ABCC1: variants seen among roughly 807,000 people sequenced by gnomAD.
ABCC1 encodes the protein ATP binding cassette subfamily C member 1 (ABCC1 blood group), also known as multidrug resistance-associated protein 1.
ABCC1 carries 83 observed loss-of-function variants against 172.9 expected under a neutral mutation model. That is an observed-to-expected ratio of 0.48 (90% CI 0.40 to 0.58). ABCC1 has a LOEUF of 0.58. Ranked by LOEUF, ABCC1 falls within the 20% of genes least tolerant of loss-of-function variation. The pLI is 0.00. For synonymous variants in ABCC1, 937 were observed against 825.2 expected, an observed-to-expected ratio of 1.14 and a Z score of -2.32; for missense variants, 1,817 against 2,002.7, an observed-to-expected ratio of 0.91 and a Z score of 1.77.
intron 4 of ABCC1, among the ~76,000 whole-genome samples, chr16:16,015,131 C>T (rs1201680830): frequency 1.9e-4 from 24 of 124,522 alleles, no homozygotes; most frequent in African/African-American, 6.9e-4. Context: ...GGAGTGTGCA[C>T]TTTTTTTTTT....
intron 28 of ABCC1, among the ~76,000 whole-genome samples, chr16:16,135,781 C>G (rs1285990769): frequency 6.6e-6 from 1 of 152,046 alleles, no homozygotes. Flanking sequence ...TAGACCAATC[C>G]CCGCAGGTGG....
chr16:15,980,182 CA>C (rs2151580214), intron 1 of ABCC1, among the ~76,000 whole-genome samples: 1 of 152,208 alleles, frequency 6.6e-6, no homozygotes, highest in African/African-American at 2.4e-5. Context: ...CTCTCAGGCC[CA>C]GGGGCAAATA....
chr16:16,010,543 A>G (rs995615142), intron 3 of ABCC1, among the ~76,000 whole-genome samples: 11 of 152,142 alleles, frequency 7.2e-5, no homozygotes, highest in African/African-American at 2.7e-4. Flanking sequence ...ACTATCTGGC[A>G]TAGGGGGTGG....
chr16:16,071,049 C>G (rs1462908384), intron 13 of ABCC1, among the ~76,000 whole-genome samples: 1 of 152,062 alleles, frequency 6.6e-6, no homozygotes, highest in Non-Finnish European at 1.5e-5. Flanking sequence ...CCCTTTTCCA[C>G]CAGGCCTCTG....
Position 16,014,873 on chromosome 16 carries a change from A to G in ABCC1, c.489+245A>G, listed in dbSNP as rs149114969. On this transcript the variant is annotated intron_variant, in intron 4 of 30. Transcript: ENST00000399410. Reference sequence around the variant, plus strand: ...GTCTGTGTTGCTCCAAGGGGCTCCCATGGGACCTCCAAGGGCAGGAGCTGT... The same window carrying G: ...GTCTGTGTTGCTCCAAGGGGCTCCCGTGGGACCTCCAAGGGCAGGAGCTGT... 5.3e-3 allele frequency among the ~76,000 whole-genome samples: 808 copies of G among 152,272 alleles called. 3 individuals are homozygous for G. The highest frequency in any genetic ancestry group is 0.014 in the Middle Eastern group (4 of 294).
In ABCC1 at chr16:16,045,933, G is replaced by A. The variant is rs764026024; in HGVS notation, c.1138G>A (p.Val380Met). ...TGTCACTGCCTGCCTGCAGACCCTC[G>A]TGCTGCACCAGTACTTCCACATCTG... The part of the protein sequence containing the change: ...LFVTACLQTL[V>M]LHQYFHICFV... The change falls in exon 9 of 31, where the codon GTG becomes ATG. Residue 380 changes from valine (V) to methionine (M), a missense_variant. Physicochemically the swap from Val to Met is conservative, Grantham distance 21. Coordinates refer to ENST00000399410, the MANE Select transcript of ABCC1 (RefSeq NM_004996.4). The A allele has an allele frequency of 9.3e-6, 15 of 1,614,024 alleles. No homozygotes were observed. The highest frequency in any genetic ancestry group is 6.7e-5 in the Admixed American group (4 of 59,978).
chr16:16,025,915 TA>T (rs2048353171), intron 5 of ABCC1, among the ~76,000 whole-genome samples: 1 of 152,208 alleles, frequency 6.6e-6, no homozygotes. Context: ...GGAGTTACTG[TA>T]TTTCAGTGTC....
At chr16:16,019,249 G>A (rs1429695068) in intron 5 of ABCC1, among the ~76,000 whole-genome samples, 1 of 151,890 alleles carries the variant, frequency 6.6e-6, no homozygotes, top group Non-Finnish European at 1.5e-5. Flanking sequence ...GATTACAGGC[G>A]CCCATCACCA....
chr16:16,061,416 T>C (rs1296105300), intron 12 of ABCC1, among the ~76,000 whole-genome samples: 1 of 152,240 alleles, frequency 6.6e-6, no homozygotes, highest in Non-Finnish European at 1.5e-5. Flanking sequence ...TCCCAGCATC[T>C]GTGGCCTCTA....
intron 13 of ABCC1, among the ~76,000 whole-genome samples, chr16:16,069,911 C>T (rs1275393613): frequency 6.6e-6 from 1 of 152,098 alleles, no homozygotes; most frequent in South Asian, 2.1e-4. Context: ...GTAATCCCAG[C>T]TAATCTGGAG....
intron 26 of ABCC1, among the ~76,000 whole-genome samples, chr16:16,126,842 A>G (rs919133737): frequency 1.3e-5 from 2 of 152,226 alleles, no homozygotes; most frequent in Non-Finnish European, 2.9e-5. Context: ...CATGCATACT[A>G]CACGAATGAT....
intron 25 of ABCC1, 132 bp downstream of exon 25, chr16:16,125,047 TAC>T (rs1456765678): frequency 1.5e-6 from 2 of 1,324,148 alleles, no homozygotes; most frequent in Admixed American, 4.0e-5. Context: ...GAGGAGCAGG[TAC>T]AGTGCCACAG....
intron 20 of ABCC1, chr16:16,105,374 C>G (rs1255953783): frequency 6.6e-6 from 1 of 152,364 alleles, no homozygotes; most frequent in African/African-American, 2.4e-5. Context: ...CTCTGCCACT[C>G]CCTGAAAACT....
intron 30 of ABCC1, among the ~76,000 whole-genome samples, 158 bp downstream of exon 30, chr16:16,138,716 T>C (rs45508192): frequency 1.4e-5 from 2 of 141,730 alleles, no homozygotes; most frequent in East Asian, 2.0e-4. Context: ...AGCTATTTCT[T>C]TTTTTTTTTT....
At chr16:16,067,464 G>T (rs1330716956) in intron 12 of ABCC1, among the ~76,000 whole-genome samples, 3 of 152,180 alleles carry the variant, frequency 2.0e-5, no homozygotes, top group Non-Finnish European at 4.4e-5. Flanking sequence ...GCTGCCATCT[G>T]TTGAGTTTTA....
At chr16:16,060,022 A>T (rs969093203) in intron 12 of ABCC1, among the ~76,000 whole-genome samples, 1 of 151,934 alleles carries the variant, frequency 6.6e-6, no homozygotes, top group East Asian at 1.9e-4. Context: ...AATGAAATCA[A>T]TGCTGAGCTC....
intron 16 of ABCC1, among the ~76,000 whole-genome samples, chr16:16,080,274 T>C (rs921278355): frequency 6.6e-5 from 10 of 152,196 alleles, no homozygotes; most frequent in Admixed American, 6.5e-4. Flanking sequence ...CTTATAAATG[T>C]AACAAAACAA....
chr16:16,046,727 A>G (rs146691586), intron 9 of ABCC1, among the ~76,000 whole-genome samples: 190 of 151,706 alleles, frequency 1.3e-3, no homozygotes, highest in African/African-American at 4.2e-3. Flanking sequence ...TGTACATCCA[A>G]TTTCAAAGGA....
chr16:16,122,556 T>A (rs1596537581), intron 24 of ABCC1, among the ~76,000 whole-genome samples: 4 of 152,010 alleles, frequency 2.6e-5, no homozygotes, highest in Admixed American at 2.0e-4. Context: ...TCAGAAGCAA[T>A]TTACTAATAC....
Sources: gnomAD v4.1 joint callset for allele counts (sites outside exome capture counted in the v4.1 genomes callset) on GRCh38, gnomAD v4.1.1 for gene constraint, MANE v1.5 for transcripts, NCBI Gene and HGNC (gene_info 2026-07-23, HGNC 2026-07-21) for gene names.